Variants in GPC6 observed in about 807,000 individuals in gnomAD.
GPC6 encodes the protein glypican 6, also known as glypican-6.
A neutral mutation model predicts 55.2 loss-of-function variants in GPC6; 14 were observed. That is an observed-to-expected ratio of 0.25 (90% CI 0.17 to 0.40). The LOEUF is 0.40. Among genes scored for constraint, GPC6 ranks in the 10% least tolerant of loss-of-function variants. GPC6 has a pLI of 1.00. For missense variants in GPC6, 641 were observed against 708.5 expected (o/e 0.90, Z 1.08); for synonymous variants, 278 against 259.6 (o/e 1.07, Z -0.68).
chr13:94,017,415 G>A (rs932865273), intron 3 of GPC6, among the ~76,000 whole-genome samples: 11 of 152,058 alleles, frequency 7.2e-5, no homozygotes, highest in African/African-American at 1.9e-4. Flanking sequence ...GAGAAGCAAC[G>A]GTACATCTTA....
chr13:93,402,248 T>G (rs1393260161), intron 1 of GPC6, among the ~76,000 whole-genome samples: 1 of 152,176 alleles, frequency 6.6e-6, no homozygotes, highest in Non-Finnish European at 1.5e-5. Flanking sequence ...TTTTCCACTA[T>G]GAGATAATAC....
chr13:93,292,592 A>G (rs1157393953), intron 1 of GPC6, among the ~76,000 whole-genome samples: 1 of 152,200 alleles, frequency 6.6e-6, no homozygotes, highest in African/African-American at 2.4e-5. Flanking sequence ...GAATAAACAT[A>G]TTATGGAATA....
chr13:93,835,432 G>T (rs571575892), intron 3 of GPC6, among the ~76,000 whole-genome samples: 1 of 152,034 alleles, frequency 6.6e-6, no homozygotes, highest in Non-Finnish European at 1.5e-5. Context: ...TTCAGCCTGG[G>T]CAACAGAGCC....
chr13:93,720,781 G>T (rs1883428751), intron 2 of GPC6, among the ~76,000 whole-genome samples: 1 of 151,918 alleles, frequency 6.6e-6, no homozygotes, highest in Non-Finnish European at 1.5e-5. Context: ...GTTCTCATTG[G>T]TTTCAAATAA....
At chr13:93,283,656 T>C (rs1878022591) in intron 1 of GPC6, among the ~76,000 whole-genome samples, 1 of 152,214 alleles carries the variant, frequency 6.6e-6, no homozygotes, top group East Asian at 1.9e-4. Context: ...ACATGTGCGG[T>C]CTCTGTTTAG....
At chr13:94,231,367 G>A (rs902362019) in intron 4 of GPC6, among the ~76,000 whole-genome samples, 1 of 152,108 alleles carries the variant, frequency 6.6e-6, no homozygotes, top group African/African-American at 2.4e-5. Flanking sequence ...TTGGCTGTTG[G>A]CCTTGGCACT....
chr13:94,097,047 T>C (rs144086361), intron 4 of GPC6, among the ~76,000 whole-genome samples: 26 of 151,446 alleles, frequency 1.7e-4, no homozygotes, highest in African/African-American at 4.6e-4. Context: ...AATAGGTTAA[T>C]ACCTATTATG....
chr13:93,764,516 G>A (rs1885048898), intron 2 of GPC6, among the ~76,000 whole-genome samples: 1 of 151,320 alleles, frequency 6.6e-6, no homozygotes, highest in Admixed American at 6.6e-5. Context: ...GAGACTTTTT[G>A]GGATATTTTT....
chr13:93,538,887 TG>T (rs1882171354), intron 1 of GPC6, among the ~76,000 whole-genome samples: 1 of 152,072 alleles, frequency 6.6e-6, no homozygotes, highest in African/African-American at 2.4e-5. Flanking sequence ...TAAATACTCA[TG>T]GGTATGTAAA....
intron 2 of GPC6, among the ~76,000 whole-genome samples, chr13:93,775,147 A>G (rs948845685): frequency 3.9e-5 from 6 of 152,104 alleles, no homozygotes; most frequent in African/African-American, 1.2e-4. Flanking sequence ...CTAAGTAGTT[A>G]ATCCTCATTA....
intron 6 of GPC6, among the ~76,000 whole-genome samples, chr13:94,341,307 G>A (rs769011079): frequency 6.6e-6 from 1 of 152,126 alleles, no homozygotes; most frequent in African/African-American, 2.4e-5. Context: ...ACTATAGGCT[G>A]GGTGCAGTAG....
intron 1 of GPC6, among the ~76,000 whole-genome samples, chr13:93,278,459 C>T (rs919847998): frequency 6.6e-6 from 1 of 152,148 alleles, no homozygotes. Context: ...TGGCAACCAC[C>T]TTTCTCCTTT....
intron 1 of GPC6, among the ~76,000 whole-genome samples, chr13:93,309,609 A>G (rs1236937783): frequency 6.6e-6 from 1 of 152,222 alleles, no homozygotes; most frequent in Non-Finnish European, 1.5e-5. Context: ...GTATAAACAT[A>G]GTCATACAGC....
intron 5 of GPC6, among the ~76,000 whole-genome samples, chr13:94,288,954 T>G (rs79335823): frequency 0.69 from 63,235 of 91,540 alleles, 20,049 homozygotes; most frequent in African/African-American, 0.84. Context: ...TAGATAGATA[T>G]ATAGATAGAT....
intron 1 of GPC6, among the ~76,000 whole-genome samples, chr13:93,421,090 C>T (rs1048044675): frequency 6.6e-5 from 10 of 152,006 alleles, no homozygotes; most frequent in Non-Finnish European, 1.5e-4. Context: ...TGAGTGACGG[C>T]GGCGTGGGCG....
At chr13:93,396,576 AAAT>A (rs148474237) in intron 1 of GPC6, among the ~76,000 whole-genome samples, 14 of 150,390 alleles carry the variant, frequency 9.3e-5, no homozygotes, top group Admixed American at 2.0e-4. Flanking sequence ...TCAAAAAAGA[AAAT>A]AATAATAATA....
At chr13:93,643,478 A>G (rs1305044075) in intron 2 of GPC6, among the ~76,000 whole-genome samples, 2 of 152,170 alleles carry the variant, frequency 1.3e-5, no homozygotes, top group Non-Finnish European at 2.9e-5. Context: ...AAATGCTTAT[A>G]TAATAGGCTG....
chr13:93,421,283 C>T (rs1435630304), intron 1 of GPC6, among the ~76,000 whole-genome samples: 2 of 152,028 alleles, frequency 1.3e-5, no homozygotes, highest in Admixed American at 6.6e-5. Context: ...ATGTATCCAC[C>T]TGGTTAGGAG....
chr13:94,297,076 T>C (rs1270968651), intron 5 of GPC6, among the ~76,000 whole-genome samples: 2 of 152,210 alleles, frequency 1.3e-5, no homozygotes, highest in Admixed American at 6.5e-5. Context: ...TGTAGTTGCA[T>C]GGCCCAGTAA....
Sources: gnomAD v4.1 joint callset for allele counts (sites outside exome capture counted in the v4.1 genomes callset) on GRCh38, gnomAD v4.1.1 for gene constraint, MANE v1.5 for transcripts, NCBI Gene and HGNC (gene_info 2026-07-23, HGNC 2026-07-21) for gene names.